Variants in PLCXD3 observed in about 807,000 individuals in gnomAD.
PLCXD3 encodes phosphatidylinositol specific phospholipase C X domain containing 3.
Under a neutral mutation model 25.5 loss-of-function variants are expected in PLCXD3, and 19 were observed. The ratio of observed to expected loss-of-function variants is 0.75; its 90% CI spans 0.52 to 1.09. The LOEUF (loss-of-function observed/expected upper bound fraction) is 1.09. PLCXD3 is among the 50% of genes least tolerant of loss of function. PLCXD3 has a pLI of 0.00. For missense variants in PLCXD3, 411 were observed against 388.1 expected (o/e 1.06, Z -0.50); for synonymous variants, 174 against 137.6 (o/e 1.26, Z -1.85).
At chr5:41,491,127 A>T (rs562377698) in intron 1 of PLCXD3, among the ~76,000 whole-genome samples, 9 of 152,084 alleles carry the variant, frequency 5.9e-5, no homozygotes, top group African/African-American at 2.2e-4. Context: ...AGATTGTGGC[A>T]TGTTGTGTCT....
intron 1 of PLCXD3, among the ~76,000 whole-genome samples, chr5:41,510,071 C>T (rs1739003490): frequency 6.6e-6 from 1 of 152,194 alleles, no homozygotes; most frequent in Non-Finnish European, 1.5e-5. Flanking sequence ...CCCGCAGACC[C>T]AGAGATTTCT....
chr5:41,435,376 C>CA (rs554452660), intron 1 of PLCXD3, among the ~76,000 whole-genome samples: 7 of 151,826 alleles, frequency 4.6e-5, no homozygotes, highest in South Asian at 4.2e-4. Flanking sequence ...TCAGAGTATG[C>CA]AAAAAAAAGT....
At chr5:41,413,249 T>G (rs1746608677) in intron 1 of PLCXD3, among the ~76,000 whole-genome samples, 1 of 152,200 alleles carries the variant, frequency 6.6e-6, no homozygotes, top group Non-Finnish European at 1.5e-5. Flanking sequence ...ATGAAAGTCA[T>G]AAATTTTGTA....
chr5:41,387,429 A>G (rs1285501000), intron 1 of PLCXD3, among the ~76,000 whole-genome samples: 1 of 152,182 alleles, frequency 6.6e-6, no homozygotes, highest in African/African-American at 2.4e-5. Flanking sequence ...ATGCAACAAT[A>G]GAAAACTAAT....
intron 1 of PLCXD3, among the ~76,000 whole-genome samples, chr5:41,398,113 T>A (rs1450911763): frequency 6.6e-6 from 1 of 152,156 alleles, no homozygotes; most frequent in Admixed American, 6.5e-5. Flanking sequence ...TTTTGAAATG[T>A]GAGAAGAACA....
In PLCXD3 at chr5:41,310,689, C is replaced by G. The variant is rs888517484; in HGVS notation, c.*2928G>C. 1 of 152,590 alleles carries G rather than the reference C, an allele frequency of 6.6e-6. No individual in the cohort carries two copies. Among genetic ancestry groups the G allele is most frequent in the East Asian group, 1.9e-4 (1 of 5,188 alleles). The allele number at this position is 152,590 out of a possible 1,614,324, so 9.5% of individuals were successfully genotyped here. A position where few individuals can be genotyped will look rare whatever the true frequency, so the allele number is the denominator to read the frequency against. The stretch of plus-strand genomic sequence containing the variant: ...CAGTCAAAGGCACCTTCTCTCCATT[C>G]CCCTTTCCAAGGACTCCCTTTTAGT... On this transcript the variant is annotated 3_prime_UTR_variant, in exon 3 of 3. Transcript: ENST00000377801.
At chr5:41,337,599 G>A (rs1744021486) in intron 2 of PLCXD3, among the ~76,000 whole-genome samples, 1 of 152,158 alleles carries the variant, frequency 6.6e-6, no homozygotes, top group South Asian at 2.1e-4. Context: ...ATGAATATAA[G>A]TGGAATTTAA....
chr5:41,446,510 C>A (rs1210202674), intron 1 of PLCXD3, among the ~76,000 whole-genome samples: 1 of 151,224 alleles, frequency 6.6e-6, no homozygotes, highest in Non-Finnish European at 1.5e-5. Context: ...ATGTAAAAAT[C>A]CCCATGGAAT....
intron 1 of PLCXD3, among the ~76,000 whole-genome samples, chr5:41,395,967 C>A (rs4051076): frequency 0.57 from 85,459 of 150,210 alleles, 24,886 homozygotes; most frequent in South Asian, 0.71. Flanking sequence ...GGCCAGCATA[C>A]CCTGATACTA....
chr5:41,490,856 T>C (rs1431899948), intron 1 of PLCXD3, among the ~76,000 whole-genome samples: 3 of 152,214 alleles, frequency 2.0e-5, no homozygotes, highest in East Asian at 3.8e-4. Flanking sequence ...TAGAAGTCTA[T>C]CAATTTTGTT....
chr5:41,361,621 G>A (rs538975927), intron 2 of PLCXD3, among the ~76,000 whole-genome samples: 2 of 152,258 alleles, frequency 1.3e-5, no homozygotes, highest in South Asian at 4.1e-4. Flanking sequence ...CAAATGGAAT[G>A]AACAATAGAA....
At chr5:41,496,919 A>T (rs927271762) in intron 1 of PLCXD3, among the ~76,000 whole-genome samples, 4 of 151,846 alleles carry the variant, frequency 2.6e-5, no homozygotes, top group African/African-American at 9.7e-5. Flanking sequence ...TGAAAAATAT[A>T]ACTTATGACA....
chr5:41,414,109 T>C lies in PLCXD3; in HGVS notation c.104-31575A>G, dbSNP rs553579248. Among the ~76,000 whole-genome samples, 8 of 152,302 alleles carry C rather than the reference T, an allele frequency of 5.3e-5. No homozygotes were observed. The South Asian group carries it at 1.0e-3, about 20-fold the overall frequency. ...CTAAGACCCACATGCTGTACTATAC[T>C]ATAGCCCAGTGAAACTGAGGCTTCC... is the stretch of plus-strand genomic sequence containing the variant. On this transcript the variant is annotated intron_variant, in intron 1 of 2. Transcript: ENST00000377801.
chr5:41,315,365 A>G (rs866241613), intron 2 of PLCXD3, among the ~76,000 whole-genome samples: 53 of 152,178 alleles, frequency 3.5e-4, no homozygotes, highest in African/African-American at 1.2e-3. Context: ...TTAAAAACCT[A>G]GAAGAAGTTG....
At chr5:41,408,573 A>T (rs1746424185) in intron 1 of PLCXD3, among the ~76,000 whole-genome samples, 1 of 152,120 alleles carries the variant, frequency 6.6e-6, no homozygotes, top group Admixed American at 6.5e-5. Context: ...TTTTTAAAAC[A>T]AAAAGGTTGA....
In PLCXD3 at chr5:41,355,005, C is replaced by T. The variant is rs191187590; in HGVS notation, c.812+26821G>A. ...TTCCCCAAATGGTATGCTGTCTTACCTCCACAGAAAACATGTAGTTTTCTA... is the reference window on the plus strand; with the variant it reads ...TTCCCCAAATGGTATGCTGTCTTACTTCCACAGAAAACATGTAGTTTTCTA... On this transcript the variant is annotated intron_variant, in intron 2 of 2. Coordinates refer to ENST00000377801, the MANE Select transcript of PLCXD3 (RefSeq NM_001005473.3). Among the ~76,000 whole-genome samples, 8 of 152,290 alleles carry T rather than the reference C, an allele frequency of 5.3e-5. No homozygotes were observed. In the East Asian group the frequency reaches 1.5e-3, roughly 29 times the overall value.
chr5:41,490,633 A>G (rs1748642395), intron 1 of PLCXD3, among the ~76,000 whole-genome samples: 1 of 152,130 alleles, frequency 6.6e-6, no homozygotes, highest in African/African-American at 2.4e-5. Context: ...GTCTATTCAG[A>G]GATTCAACTT....
chr5:41,474,377 G>T (rs1215373702), intron 1 of PLCXD3, among the ~76,000 whole-genome samples: 4 of 152,150 alleles, frequency 2.6e-5, no homozygotes, highest in Non-Finnish European at 5.9e-5. Flanking sequence ...TTGTCAGTTT[G>T]CCAACATTCT....
At chr5:41,497,753 T>C (rs911032192) in intron 1 of PLCXD3, among the ~76,000 whole-genome samples, 2 of 151,816 alleles carry the variant, frequency 1.3e-5, no homozygotes, top group African/African-American at 4.8e-5. Flanking sequence ...ACATGGAATG[T>C]TCTCCAAGGT....
Sources: allele counts gnomAD v4.1 joint callset (sites outside exome capture counted in the v4.1 genomes callset), GRCh38; gene constraint gnomAD v4.1.1; transcripts MANE v1.5; gene names NCBI Gene and HGNC (gene_info 2026-07-23, HGNC 2026-07-21).